The following THSD7B variants were observed in gnomAD, a reference collection of about 807,000 sequenced individuals.
The protein encoded by THSD7B is thrombospondin type 1 domain containing 7B, also known as thrombospondin type-1 domain-containing protein 7B.
A neutral mutation model predicts 213.6 loss-of-function variants in THSD7B; 138 were observed. The ratio of observed to expected loss-of-function variants is 0.65; its 90% CI spans 0.56 to 0.74. The LOEUF (loss-of-function observed/expected upper bound fraction) is 0.74, where lower values mean the gene tolerates loss of function less well. Among genes scored for constraint, THSD7B ranks in the 30% least tolerant of loss-of-function variants. The pLI, the probability that THSD7B is intolerant of heterozygous loss-of-function variation, is 0.00. For missense variants in THSD7B, 1,931 were observed against 1,991.5 expected (o/e 0.97, Z 0.58); for synonymous variants, 742 against 687.0 (o/e 1.08, Z -1.25).
chr2:137,121,474 A>G (rs1450593702), intron 5 of THSD7B, among the ~76,000 whole-genome samples: 4 of 152,202 alleles, frequency 2.6e-5, no homozygotes, highest in Non-Finnish European at 4.4e-5. Context: ...AAAATTCACT[A>G]ATGTGTGTTG....
At chr2:137,535,261 G>A (rs1043174279) in intron 15 of THSD7B, among the ~76,000 whole-genome samples, 1 of 151,292 alleles carries the variant, frequency 6.6e-6, no homozygotes, top group East Asian at 1.9e-4. Context: ...TTCATTATTT[G>A]TGGAAGTATA....
At chr2:137,635,434 C>T (rs1323136644) in intron 20 of THSD7B, among the ~76,000 whole-genome samples, 1 of 152,166 alleles carries the variant, frequency 6.6e-6, no homozygotes, top group Non-Finnish European at 1.5e-5. Context: ...ATATGTATGG[C>T]AGCAAGCTTC....
intron 17 of THSD7B, among the ~76,000 whole-genome samples, chr2:137,592,570 T>C (rs550737637): frequency 6.6e-6 from 1 of 152,064 alleles, no homozygotes; most frequent in South Asian, 2.1e-4. Context: ...ATAACTTTTA[T>C]TCCTAAATCA....
chr2:137,281,172 C>T (rs550957692), intron 12 of THSD7B, among the ~76,000 whole-genome samples: 3 of 152,028 alleles, frequency 2.0e-5, no homozygotes, highest in African/African-American at 7.2e-5. Flanking sequence ...TAAACTCTGT[C>T]AAATCTTTTT....
chr2:136,832,752 G>T (rs1177228640), intron 1 of THSD7B, among the ~76,000 whole-genome samples: 2 of 152,140 alleles, frequency 1.3e-5, no homozygotes, highest in Non-Finnish European at 2.9e-5. Flanking sequence ...GAACTATGCT[G>T]GTCCAGATGG....
intron 1 of THSD7B, among the ~76,000 whole-genome samples, chr2:136,818,459 A>C (rs1013592710): frequency 7.3e-5 from 11 of 151,612 alleles, no homozygotes; most frequent in Non-Finnish European, 1.3e-4. Flanking sequence ...ATGACGAGTT[A>C]GTGGGTGCAG....
chr2:137,546,367 TA>T (rs1416903060), intron 15 of THSD7B, among the ~76,000 whole-genome samples: 2 of 57,762 alleles, frequency 3.5e-5, no homozygotes, highest in East Asian at 4.5e-4. Context: ...ATATATTATA[TA>T]TATATATAAT....
At chr2:136,896,345 A>G (rs748735888) in intron 2 of THSD7B, among the ~76,000 whole-genome samples, 1 of 152,148 alleles carries the variant, frequency 6.6e-6, no homozygotes, top group African/African-American at 2.4e-5. Context: ...AGCCACTTGT[A>G]TATTTTCTTT....
At chr2:136,861,513 G>T (rs1177740384) in intron 1 of THSD7B, among the ~76,000 whole-genome samples, 3 of 152,198 alleles carry the variant, frequency 2.0e-5, no homozygotes, top group African/African-American at 7.2e-5. Context: ...GCAAGGACTT[G>T]CCCTGAGTCA....
At chr2:137,373,401 G>A (rs1284735418) in intron 12 of THSD7B, among the ~76,000 whole-genome samples, 8 of 152,208 alleles carry the variant, frequency 5.3e-5, no homozygotes, top group Non-Finnish European at 4.4e-5. Context: ...TAACTGGTGT[G>A]AGATGGTATC....
intron 5 of THSD7B, among the ~76,000 whole-genome samples, chr2:137,127,213 A>G (rs1688645945): frequency 6.6e-6 from 1 of 152,184 alleles, no homozygotes; most frequent in African/African-American, 2.4e-5. Context: ...AAAAAATGCA[A>G]TAGCTGAAAA....
At chr2:137,421,691 TG>T (rs1389249632) in intron 14 of THSD7B, among the ~76,000 whole-genome samples, 1 of 152,140 alleles carries the variant, frequency 6.6e-6, no homozygotes, top group Non-Finnish European at 1.5e-5. Flanking sequence ...GGACCCTCTC[TG>T]GGGAGGGTCT....
At chr2:137,399,811 C>A (rs1686309143) in intron 12 of THSD7B, among the ~76,000 whole-genome samples, 1 of 151,946 alleles carries the variant, frequency 6.6e-6, no homozygotes, top group African/African-American at 2.4e-5. Context: ...TATTTTTCTT[C>A]TCCCTCAGAA....
chr2:137,207,028 A>G (rs13386434), intron 7 of THSD7B, among the ~76,000 whole-genome samples: 90,051 of 151,580 alleles, frequency 0.59, 27,112 homozygotes, highest in South Asian at 0.71. Flanking sequence ...GAAAGTTCAG[A>G]GGGGAGAGAG....
chr2:137,646,650 T>TTAATAA (rs147054450), intron 21 of THSD7B, among the ~76,000 whole-genome samples: 9,682 of 130,110 alleles, frequency 0.074, 399 homozygotes, highest in Middle Eastern at 0.14. Flanking sequence ...ACACTCCATC[T>TTAATAA]TAATAATAAT....
intron 15 of THSD7B, among the ~76,000 whole-genome samples, chr2:137,526,453 G>C (rs561477821): frequency 6.6e-6 from 1 of 151,896 alleles, no homozygotes; most frequent in Non-Finnish European, 1.5e-5. Flanking sequence ...AGAGAATCTC[G>C]CTCTGTCACC....
chr2:137,169,423 C>T (rs181279577), intron 6 of THSD7B, among the ~76,000 whole-genome samples: 1 of 151,598 alleles, frequency 6.6e-6, no homozygotes, highest in Non-Finnish European at 1.5e-5. Context: ...TCCAACTATA[C>T]CTTGAGGTGT....
At chr2:137,391,872 G>A (rs1686035652) in intron 12 of THSD7B, among the ~76,000 whole-genome samples, 3 of 151,914 alleles carry the variant, frequency 2.0e-5, no homozygotes, top group Admixed American at 6.6e-5. Flanking sequence ...TCTTGATGTG[G>A]GCATTTAATG....
At chr2:136,909,413 C>T (rs1684222107) in intron 2 of THSD7B, among the ~76,000 whole-genome samples, 1 of 152,140 alleles carries the variant, frequency 6.6e-6, no homozygotes, top group Admixed American at 6.5e-5. Flanking sequence ...TACTGATACT[C>T]TACTGTTTGT....
Sources: gnomAD v4.1 joint callset for allele counts (sites outside exome capture counted in the v4.1 genomes callset) on GRCh38, gnomAD v4.1.1 for gene constraint, MANE v1.5 for transcripts, NCBI Gene and HGNC (gene_info 2026-07-23, HGNC 2026-07-21) for gene names.